Variants in CMC1 observed in about 807,000 individuals in gnomAD.
CMC1 encodes the protein COX assembly mitochondrial protein homolog.
In CMC1, 14 loss-of-function variants were observed where a neutral mutation model predicts 14.1. The observed-to-expected ratio is 0.99, with a 90% CI of 0.66 to 1.55. The LOEUF (loss-of-function observed/expected upper bound fraction) is 1.55, where lower values mean the gene tolerates loss of function less well. Among genes scored for constraint, CMC1 ranks in the 40% most tolerant of loss-of-function variants. CMC1 has a pLI of 0.00. For missense variants in CMC1, 127 were observed against 123.8 expected (o/e 1.03, Z -0.12); for synonymous variants, 50 against 38.4 (o/e 1.30, Z -1.12).
chr3:28,251,869 G>C (rs4680748), intron 1 of CMC1, among the ~76,000 whole-genome samples: 57,790 of 152,044 alleles, frequency 0.38, 11,505 homozygotes, highest in East Asian at 0.54. Context: ...GAAGGCCACA[G>C]GTATGCTGTC....
intron 1 of CMC1, among the ~76,000 whole-genome samples, chr3:28,246,748 G>T (rs1698848207): frequency 6.7e-6 from 1 of 149,230 alleles, no homozygotes; most frequent in East Asian, 2.0e-4. Flanking sequence ...TTAAGACCTT[G>T]TAAATATTTG....
intron 2 of CMC1, among the ~76,000 whole-genome samples, chr3:28,306,174 T>C (rs1702296006): frequency 6.6e-6 from 1 of 152,164 alleles, no homozygotes; most frequent in Non-Finnish European, 1.5e-5. Context: ...TTTGGGCTCT[T>C]TTTTGGTTGC....
chr3:28,283,565 AAAG>A (rs1171233139), intron 2 of CMC1, among the ~76,000 whole-genome samples: 318 of 136,190 alleles, frequency 2.3e-3, no homozygotes, highest in African/African-American at 7.5e-3. Flanking sequence ...AAAAAAAAAA[AAAG>A]AAAAGAAGAA....
chr3:28,264,379 G>A (rs945223892), intron 2 of CMC1, among the ~76,000 whole-genome samples: 2 of 152,138 alleles, frequency 1.3e-5, no homozygotes, highest in Non-Finnish European at 2.9e-5. Context: ...CCTTAGAGAG[G>A]ACCTTTGCAA....
rs543475160 is a variant in CMC1 at position 28,322,882 on chromosome 3, A to G, written c.*3253A>G. ...TGAAACTGTCTATCAAAAAGGATAA[A>G]AGTCCTCCTACATGAAATACTTTAA... On this transcript the variant is annotated 3_prime_UTR_variant, in exon 4 of 4. Coordinates refer to ENST00000466830, the MANE Select transcript of CMC1 (RefSeq NM_182523.2). 4 of 151,290 alleles carry G rather than the reference A, an allele frequency of 2.6e-5. 1 individual carries two copies. The highest frequency in any genetic ancestry group is 9.7e-5 in the African/African-American group (4 of 41,438). The allele number at this position is 151,290 out of a possible 1,614,324, so 9.4% of individuals were successfully genotyped here.
intron 1 of CMC1, among the ~76,000 whole-genome samples, chr3:28,258,590 G>T (rs13085236): frequency 7.0e-6 from 1 of 142,972 alleles, no homozygotes; most frequent in South Asian, 2.2e-4. Context: ...TAAATTGATC[G>T]TATATACATG....
chr3:28,254,643 CA>C, intron 1 of CMC1, among the ~76,000 whole-genome samples: 1 of 151,972 alleles, frequency 6.6e-6, no homozygotes, highest in East Asian at 1.9e-4. Context: ...TGTCTGTATT[CA>C]AGGAATTGAT....
In CMC1 at chr3:28,295,359, T is replaced by C. The variant is rs115776870; in HGVS notation, c.110-20974T>C. 7.3e-3 allele frequency among the ~76,000 whole-genome samples: 1,110 copies of C among 152,244 alleles called. 14 individuals carry two copies. Among genetic ancestry groups the C allele is most frequent in the African/African-American group, 0.023 (942 of 41,554 alleles). On this transcript the variant is annotated intron_variant, in intron 2 of 3. Transcript: ENST00000466830. ...CAGTTATTTTTTTCTTCATGCCCAT[T>C]TTCCTTGAAAATATTTAAAAAATAT... is the stretch of plus-strand genomic sequence containing the variant.
chr3:28,247,829 T>C (rs1698904979), intron 1 of CMC1, among the ~76,000 whole-genome samples: 1 of 152,126 alleles, frequency 6.6e-6, no homozygotes, highest in Admixed American at 6.6e-5. Flanking sequence ...TGGCTTAAGA[T>C]ATACCTAAGG....
At chr3:28,319,207 T>C (rs1469662697) in intron 3 of CMC1, 1 of 467,060 alleles carries the variant, frequency 2.1e-6, no homozygotes, top group Non-Finnish European at 4.3e-6. Context: ...CATACCTCTG[T>C]CACAGTATTT....
rs552808147 is a variant in CMC1, at chr3:28,258,795, AT to A, written c.20-4487del. ...CCACCAAGTCCGGGTCATTTTTTATATTTTTTTTTAGTAGAGACAGGGTTTC... is the reference window on the plus strand; with the variant it reads ...CCACCAAGTCCGGGTCATTTTTTATATTTTTTTTAGTAGAGACAGGGTTTC... On this transcript the variant is annotated intron_variant, in intron 1 of 3. Coordinates refer to ENST00000466830, the MANE Select transcript of CMC1 (RefSeq NM_182523.2). Among the ~76,000 whole-genome samples the A allele has an allele frequency of 4.8e-3, 721 of 149,058 alleles. 10 individuals are homozygous for A. The highest frequency in any genetic ancestry group is 0.017 in the African/African-American group (687 of 40,572).
chr3:28,306,438 G>A (rs138082280), intron 2 of CMC1, among the ~76,000 whole-genome samples: 295 of 152,020 alleles, frequency 1.9e-3, no homozygotes, highest in African/African-American at 6.7e-3. Context: ...TGTGTGTGTG[G>A]CTATTGTAAA....
rs111551415 is a variant in CMC1 at position 28,305,238 on chromosome 3, A to G, written c.110-11095A>G. 2.6e-3 allele frequency among the ~76,000 whole-genome samples: 399 copies of G among 152,248 alleles called. 2 individuals carry two copies. The highest frequency in any genetic ancestry group is 9.0e-3 in the African/African-American group (374 of 41,540). ...AGGATAATGGCCTCCAGCTAAATCTATGTTGCTGCAAAGGATGTGTTTTCG... is the reference window on the plus strand; with the variant it reads ...AGGATAATGGCCTCCAGCTAAATCTGTGTTGCTGCAAAGGATGTGTTTTCG... On this transcript the variant is annotated intron_variant, in intron 2 of 3. Transcript: ENST00000466830.
intron 2 of CMC1, among the ~76,000 whole-genome samples, chr3:28,267,007 A>C (rs1393042927): frequency 2.6e-5 from 4 of 152,154 alleles, no homozygotes; most frequent in African/African-American, 7.2e-5. Context: ...CCAAAACAGT[A>C]ACCTCCCACC....
chr3:28,287,879 A>G (rs1444856879), intron 2 of CMC1, among the ~76,000 whole-genome samples: 2 of 152,058 alleles, frequency 1.3e-5, no homozygotes, highest in African/African-American at 4.8e-5. Flanking sequence ...AATGTATATT[A>G]AAATATTAAA....
In CMC1 at chr3:28,274,220, C is replaced by CTTTT. The variant is rs544985268; in HGVS notation, c.109+10852_109+10855dup. ...TGTACTAAAGTGTTTTTGTTTTTTTCTTTTTTTTTTTTTTTGCAGTGGCTA... is the reference window on the plus strand; with the variant it reads ...TGTACTAAAGTGTTTTTGTTTTTTTCTTTTTTTTTTTTTTTTTTTGCAGTGGCTA... On this transcript the variant is annotated intron_variant, in intron 2 of 3. Coordinates refer to ENST00000466830, the MANE Select transcript of CMC1 (RefSeq NM_182523.2). 8.5e-4 allele frequency among the ~76,000 whole-genome samples: 96 copies of CTTTT among 112,314 alleles called. 4 individuals are homozygous for CTTTT. The highest frequency in any genetic ancestry group is 3.0e-3 in the African/African-American group (91 of 30,084). The allele number at this position is 112,314 out of a possible 152,430, so 73.7% of individuals were successfully genotyped here.
At chr3:28,301,929 A>G (rs552094293) in intron 2 of CMC1, among the ~76,000 whole-genome samples, 5 of 151,628 alleles carry the variant, frequency 3.3e-5, no homozygotes, top group Admixed American at 6.6e-5. Flanking sequence ...CACACACACT[A>G]TGGAACTGGC....
intron 2 of CMC1, among the ~76,000 whole-genome samples, chr3:28,277,412 A>G (rs1281736175): frequency 6.6e-6 from 1 of 152,222 alleles, no homozygotes; most frequent in Non-Finnish European, 1.5e-5. Flanking sequence ...GTACTCATTT[A>G]AAATATTTAT....
At chr3:28,244,085 A>G (rs576895434) in intron 1 of CMC1, among the ~76,000 whole-genome samples, 1 of 152,358 alleles carries the variant, frequency 6.6e-6, no homozygotes, top group East Asian at 1.9e-4. Flanking sequence ...GAAAGTAGGT[A>G]GTCACTAAAT....
Sources: allele counts gnomAD v4.1 joint callset (sites outside exome capture counted in the v4.1 genomes callset), GRCh38; gene constraint gnomAD v4.1.1; transcripts MANE v1.5; gene names NCBI Gene and HGNC (gene_info 2026-07-23, HGNC 2026-07-21).